Variants in BLTP1 observed in about 807,000 individuals in gnomAD.
BLTP1 encodes fragile site-associated protein.
the BLTP1 span, among the ~76,000 whole-genome samples, chr4:122,256,369 A>G: frequency 6.6e-6 from 1 of 152,200 alleles, no homozygotes; most frequent in Non-Finnish European, 1.5e-5. Context: ...GCTTGAACAG[A>G]GAGAATGGCA....
the BLTP1 span, among the ~76,000 whole-genome samples, chr4:122,216,081 GTCTGTCTATCTA>G: frequency 7.3e-6 from 1 of 136,378 alleles, no homozygotes; most frequent in Admixed American, 7.4e-5. Flanking sequence ...ATCTATCTTT[GTCTGTCTATCTA>G]TCTATCTATC....
chr4:122,276,846 T>C, the BLTP1 span: 1 of 979,994 alleles, frequency 1.0e-6, no homozygotes, highest in Non-Finnish European at 1.2e-6. Context: ...TTACTGTTTA[T>C]AAACAATCAA....
the BLTP1 span, chr4:122,239,583 TCTC>T: frequency 9.3e-6 from 15 of 1,614,010 alleles, no homozygotes; most frequent in South Asian, 1.4e-4. Context: ...AGTAGGTCAA[TCTC>T]CTCTTAGATC....
At chr4:122,212,978 A>G in the BLTP1 span, among the ~76,000 whole-genome samples, 17 of 152,288 alleles carry the variant, frequency 1.1e-4, no homozygotes, top group East Asian at 5.8e-4. Flanking sequence ...GTCTAGCCCA[A>G]TGAACGCTAT....
At chr4:122,207,514 C>CTTTTTTTTTTTTTTTCTT in the BLTP1 span, 1 of 1,285,990 alleles carries the variant, frequency 7.8e-7, no homozygotes, top group Non-Finnish European at 1.0e-6. Flanking sequence ...ACTTTTTCTT[C>CTTTTTTTTTTTTTTTCTT]TTTTTTTTTT....
At chr4:122,246,650 C>T in the BLTP1 span, 1 of 1,584,862 alleles carries the variant, frequency 6.3e-7, no homozygotes, top group Non-Finnish European at 8.6e-7. Context: ...TAATTTTTCA[C>T]TTGTCAGTTC....
At chr4:122,153,046 A>T in the BLTP1 span, 14 of 985,086 alleles carry the variant, frequency 1.4e-5, no homozygotes, top group Non-Finnish European at 1.7e-5. Flanking sequence ...TGTATTCTGA[A>T]TTGGTGCTTG....
At chr4:122,208,736 A>G in the BLTP1 span, 1 of 835,468 alleles carries the variant, frequency 1.2e-6, no homozygotes, top group Non-Finnish European at 1.4e-6. Flanking sequence ...TATTTACCTG[A>G]CTGTCGAATG....
the BLTP1 span, chr4:122,279,606 G>C: frequency 7.2e-6 from 2 of 277,728 alleles, no homozygotes; most frequent in Non-Finnish European, 1.1e-5. Context: ...GTTTATTTTG[G>C]TGCAAAATAA....
the BLTP1 span, among the ~76,000 whole-genome samples, chr4:122,186,624 G>T: frequency 1.3e-5 from 2 of 151,826 alleles, no homozygotes; most frequent in East Asian, 1.9e-4. Flanking sequence ...TCTGTAATTT[G>T]CTTTTTATGT....
At chr4:122,336,402 T>A in the BLTP1 span, 1 of 1,272,688 alleles carries the variant, frequency 7.9e-7, no homozygotes, top group Non-Finnish European at 1.1e-6. Flanking sequence ...TTTGGGATCT[T>A]ATTATATAGA....
the BLTP1 span, among the ~76,000 whole-genome samples, chr4:122,315,173 C>G: frequency 6.6e-6 from 1 of 152,112 alleles, no homozygotes; most frequent in Non-Finnish European, 1.5e-5. Flanking sequence ...TTAATTCTGT[C>G]TAATGAGCTA....
chr4:122,212,914 A>T, the BLTP1 span, among the ~76,000 whole-genome samples: 2 of 152,232 alleles, frequency 1.3e-5, no homozygotes, highest in Non-Finnish European at 2.9e-5. Flanking sequence ...GTAAAATTTT[A>T]AATTTTGACA....
chr4:122,334,604 A>T, the BLTP1 span: 1 of 1,538,204 alleles, frequency 6.5e-7, no homozygotes, highest in South Asian at 1.2e-5. Context: ...GTTATTACCT[A>T]CTTGCTCTTT....
the BLTP1 span, chr4:122,242,940 A>G: frequency 9.8e-7 from 1 of 1,020,596 alleles, no homozygotes; most frequent in South Asian, 1.4e-5. Context: ...ATATCAGTTG[A>G]TATCATAAAA....
At chr4:122,239,692 T>C in the BLTP1 span, 3 of 1,614,008 alleles carry the variant, frequency 1.9e-6, no homozygotes, top group African/African-American at 4.0e-5. Context: ...CCTGTAACAG[T>C]TGGAGTCCAG....
At chr4:122,352,419 G>A in the BLTP1 span, among the ~76,000 whole-genome samples, 1 of 148,426 alleles carries the variant, frequency 6.7e-6, no homozygotes, top group Non-Finnish European at 1.5e-5. Flanking sequence ...GAGTGCAGTG[G>A]CACGATCTCA....
the BLTP1 span, chr4:122,192,268 A>G: frequency 1.2e-6 from 2 of 1,613,122 alleles, no homozygotes; most frequent in Non-Finnish European, 8.5e-7. Context: ...ATTGAAGGAG[A>G]AATGAGCAGT....
At chr4:122,180,444 A>G in the BLTP1 span, among the ~76,000 whole-genome samples, 1 of 152,128 alleles carries the variant, frequency 6.6e-6, no homozygotes, top group South Asian at 2.1e-4. Flanking sequence ...GCTCTATTGC[A>G]CTCTTGCTGT....
Sources: gnomAD v4.1 joint callset for allele counts (sites outside exome capture counted in the v4.1 genomes callset) on GRCh38, gnomAD v4.1.1 for gene constraint, MANE v1.5 for transcripts, NCBI Gene and HGNC (gene_info 2026-07-23, HGNC 2026-07-21) for gene names.